WDR7: variants seen among roughly 807,000 people sequenced by gnomAD.
WDR7 encodes the protein WD repeat-containing protein 7.
A neutral mutation model predicts 169.4 loss-of-function variants in WDR7; 46 were observed. The ratio of observed to expected loss-of-function variants is 0.27; its 90% confidence interval spans 0.21 to 0.35. The LOEUF is 0.35. WDR7 is among the 10% of genes least tolerant of loss of function. WDR7 has a pLI of 1.00. For synonymous variants in WDR7, 612 were observed against 666.8 expected (o/e 0.92, Z 1.27); for missense variants, 1,534 against 1,859.3 (o/e 0.83, Z 3.22).
chr18:57,017,048 C>A (rs1158991382), intron 26 of WDR7, among the ~76,000 whole-genome samples: 1 of 152,248 alleles, frequency 6.6e-6, no homozygotes, highest in Non-Finnish European at 1.5e-5. Context: ...ACCATCCAAT[C>A]CGCTCCATCA....
At chr18:56,912,181 C>G (rs1164855995) in intron 21 of WDR7, among the ~76,000 whole-genome samples, 1 of 152,148 alleles carries the variant, frequency 6.6e-6, no homozygotes, top group Non-Finnish European at 1.5e-5. Flanking sequence ...CCTGGGAAGG[C>G]CAGAGACTCA....
At position 56,749,765 on chromosome 18, in the gene WDR7, A is replaced by G. The variant is rs992877870; in HGVS notation, c.1990-6818A>G. 2.0e-5 allele frequency among the ~76,000 whole-genome samples: 3 copies of G among 151,992 alleles called. No homozygotes were observed. The South Asian group carries it at 6.2e-4, about 31-fold the overall frequency. On this transcript the variant is annotated intron_variant, in intron 14 of 27. Transcript: ENST00000254442. ...ATGGTGGAAGAGTACAATTATTGCCATTGTTTTACGTTTCTCTTTGTCACA... is the reference window on the plus strand; with the variant it reads ...ATGGTGGAAGAGTACAATTATTGCCGTTGTTTTACGTTTCTCTTTGTCACA...
intron 13 of WDR7, among the ~76,000 whole-genome samples, chr18:56,724,931 G>C (rs374905555): frequency 6.6e-6 from 1 of 152,058 alleles, no homozygotes; most frequent in Non-Finnish European, 1.5e-5. Flanking sequence ...GCGATAGTTT[G>C]CTGAGAATGA....
chr18:56,970,666 A>C (rs1217749238), intron 26 of WDR7, among the ~76,000 whole-genome samples: 1 of 152,090 alleles, frequency 6.6e-6, no homozygotes, highest in Non-Finnish European at 1.5e-5. Flanking sequence ...ATGAACTTAT[A>C]CTGACACATT....
chr18:56,935,544 G>A (rs540002048), intron 22 of WDR7, among the ~76,000 whole-genome samples: 4 of 152,262 alleles, frequency 2.6e-5, no homozygotes, highest in East Asian at 1.9e-4. Context: ...TTAACAAGGC[G>A]TTTTTAACAC....
chr18:56,821,248 G>T lies in WDR7; in HGVS notation c.3304+5104G>T, dbSNP rs921253176. 3.3e-5 allele frequency among the ~76,000 whole-genome samples: 5 copies of T among 152,160 alleles called. No individual in the cohort carries two copies. The East Asian group carries it at 9.6e-4, about 29-fold the overall frequency. On this transcript the variant is annotated intron_variant, in intron 20 of 27. Transcript: ENST00000254442. Reference sequence around the variant, plus strand: ...TGCCATGGAAAGAAGAAAAAATAGAGAAGGGTAAGAGAAGTTAAAAGTAAT... The same window carrying T: ...TGCCATGGAAAGAAGAAAAAATAGATAAGGGTAAGAGAAGTTAAAAGTAAT...
chr18:56,662,336 T>C (rs970790913), intron 1 of WDR7, among the ~76,000 whole-genome samples: 2 of 152,216 alleles, frequency 1.3e-5, no homozygotes, highest in Non-Finnish European at 2.9e-5. Flanking sequence ...CTGATACTAG[T>C]TTGTATATAA....
At chr18:56,855,546 T>A (rs1330605533) in intron 20 of WDR7, among the ~76,000 whole-genome samples, 7 of 152,164 alleles carry the variant, frequency 4.6e-5, no homozygotes, top group African/African-American at 1.7e-4. Flanking sequence ...TGAGGTTGAT[T>A]TTTGTGTATG....
chr18:56,786,172 C>T (rs2044396440), intron 19 of WDR7, among the ~76,000 whole-genome samples: 1 of 152,004 alleles, frequency 6.6e-6, no homozygotes, highest in African/African-American at 2.4e-5. Flanking sequence ...GACTGGAGAT[C>T]ACTGGGGAAG....
chr18:56,780,676 T>C (rs2044306271), intron 18 of WDR7, among the ~76,000 whole-genome samples: 1 of 152,180 alleles, frequency 6.6e-6, no homozygotes, highest in Admixed American at 6.5e-5. Context: ...GGCATACGCC[T>C]GTAGTCCTAG....
At chr18:56,949,349 A>C (rs764966113) in intron 25 of WDR7, among the ~76,000 whole-genome samples, 3 of 152,224 alleles carry the variant, frequency 2.0e-5, no homozygotes, top group Admixed American at 6.5e-5. Flanking sequence ...ATTTAAAATA[A>C]ACTCATTTTG....
intron 16 of WDR7, among the ~76,000 whole-genome samples, chr18:56,762,126 G>A (rs2043988873): frequency 6.6e-6 from 1 of 151,880 alleles, no homozygotes; most frequent in Non-Finnish European, 1.5e-5. Context: ...CTCTATTAAT[G>A]TGGCAAATTT....
At chr18:56,919,269 T>G (rs1255011647) in intron 21 of WDR7, among the ~76,000 whole-genome samples, 1 of 152,190 alleles carries the variant, frequency 6.6e-6, no homozygotes, top group Non-Finnish European at 1.5e-5. Flanking sequence ...TAATTAGACC[T>G]TAAAAGGAGC....
At chr18:56,657,769 T>C (rs2024809530) in intron 1 of WDR7, among the ~76,000 whole-genome samples, 1 of 152,214 alleles carries the variant, frequency 6.6e-6, no homozygotes, top group Admixed American at 6.5e-5. Flanking sequence ...GAAGAAGAAA[T>C]CCTACATCAT....
intron 7 of WDR7, among the ~76,000 whole-genome samples, chr18:56,688,174 G>T (rs2025483296): frequency 6.6e-6 from 1 of 152,102 alleles, no homozygotes; most frequent in Non-Finnish European, 1.5e-5. Flanking sequence ...TCTGACTGCA[G>T]CAGCTGCTCT....
At chr18:56,804,022 T>G (rs12457225) in intron 19 of WDR7, among the ~76,000 whole-genome samples, 94,781 of 152,060 alleles carry the variant, frequency 0.62, 31,177 homozygotes, top group East Asian at 0.83. Flanking sequence ...GGACTCGAAC[T>G]CCTGGCTGAA....
intron 21 of WDR7, among the ~76,000 whole-genome samples, chr18:56,911,910 T>C (rs751861629): frequency 1.3e-5 from 2 of 152,206 alleles, no homozygotes; most frequent in African/African-American, 2.4e-5. Context: ...TTGTTTGGGT[T>C]TTATGTACTT....
chr18:56,998,893 G>A (rs182242270), intron 26 of WDR7, among the ~76,000 whole-genome samples: 2 of 152,226 alleles, frequency 1.3e-5, no homozygotes, highest in Non-Finnish European at 2.9e-5. Context: ...GAAATGGCAG[G>A]CCTTATTCTT....
intron 22 of WDR7, among the ~76,000 whole-genome samples, chr18:56,934,350 A>G (rs2046929228): frequency 1.3e-5 from 2 of 152,116 alleles, no homozygotes; most frequent in Non-Finnish European, 2.9e-5. Flanking sequence ...CTTTCTCGCA[A>G]AACACCTCTT....
Sources: gnomAD v4.1 joint callset for allele counts (sites outside exome capture counted in the v4.1 genomes callset) on GRCh38, gnomAD v4.1.1 for gene constraint, MANE v1.5 for transcripts, NCBI Gene and HGNC (gene_info 2026-07-23, HGNC 2026-07-21) for gene names.